DMBT1: variants seen among roughly 807,000 people sequenced by gnomAD.
The protein encoded by DMBT1 is deleted in malignant brain tumors 1.
DMBT1 carries 198 observed loss-of-function variants against 252.9 expected under a neutral mutation model. The observed-to-expected ratio is 0.78, with a 90% CI of 0.70 to 0.88. DMBT1 has a LOEUF of 0.88. Among genes scored for constraint, DMBT1 ranks in the 40% least tolerant of loss-of-function variants. The pLI is 0.00. For missense variants in DMBT1, 2,432 were observed against 2,404.7 expected (o/e 1.01, Z -0.24); for synonymous variants, 990 against 942.7 (o/e 1.05, Z -0.92).
chr10:122,637,315 A>G lies in DMBT1; in HGVS notation c.6942+3A>G, dbSNP rs1278793921. ...CAGGCTGCGGCACCTTCAAGCAGGT[A>G]AGCCTGGGGCTTCCCATTCCATTTC... is the stretch of plus-strand genomic sequence containing the variant. On this transcript the variant is annotated splice_donor_region_variant and intron_variant, in intron 54 of 55. Coordinates refer to ENST00000338354, the MANE Select transcript of DMBT1 (RefSeq NM_001377530.1). The G allele has an allele frequency of 6.3e-7, 1 of 1,597,606 alleles. No homozygotes were observed.
At chr10:122,634,449 TCTCTCTC>T (rs1566008580) in intron 52 of DMBT1, among the ~76,000 whole-genome samples, 739 of 73,518 alleles carry the variant, frequency 0.01, 2 homozygotes, top group East Asian at 0.055. Context: ...TCTCTCTCTC[TCTCTCTC>T]TCTCTCTCTC....
chr10:122,637,129 C>T lies in DMBT1; in HGVS notation c.6759C>T (p.Asn2253=). 1 of 1,613,570 alleles carries T rather than the reference C, an allele frequency of 6.2e-7. No individual in the cohort carries two copies. The highest frequency in any genetic ancestry group is 1.3e-5 in the African/African-American group (1 of 75,050). Residue 2253 remains asparagine, a splice_region_variant and synonymous_variant, in exon 54 of 56, where the codon AAC becomes AAT. Transcript: ENST00000338354. ...GCCTTATCTGTCCTTGTCTATCAGACCTGCTCTGTCTGCCAAATCACATGC... is the reference window on the plus strand; with the variant it reads ...GCCTTATCTGTCCTTGTCTATCAGATCTGCTCTGTCTGCCAAATCACATGC... ...YYSSPSNDST[N]LLCLPNHMQA...
Position 122,577,892 on chromosome 10 carries a change from AC to A in DMBT1, c.637+56del. 3 of 1,592,576 alleles carry A rather than the reference AC, an allele frequency of 1.9e-6. No homozygotes were observed. The Admixed American group carries it at 5.0e-5, about 27-fold the overall frequency. ...ATACCCCTTCTCTTTCTGCTCAGTT[AC>A]CCCTTCCCTACTCCACAGAGCCCTC... On this transcript the variant is annotated intron_variant, in intron 8 of 55. Coordinates refer to ENST00000338354, the MANE Select transcript of DMBT1 (RefSeq NM_001377530.1).
At chr10:122,575,904 T>A (rs1591221684) in intron 6 of DMBT1, among the ~76,000 whole-genome samples, 1 of 152,092 alleles carries the variant, frequency 6.6e-6, no homozygotes, top group Non-Finnish European at 1.5e-5. Context: ...AGCTCCCCCA[T>A]CTCCACAGCT....
intron 54 of DMBT1, among the ~76,000 whole-genome samples, chr10:122,638,298 C>CACTCGTTCAT (rs1843850242): frequency 1.4e-5 from 2 of 142,616 alleles, no homozygotes; most frequent in African/African-American, 2.5e-5. Context: ...CACCCATTCA[C>CACTCGTTCAT]ACCCATTCAC....
In DMBT1 at chr10:122,589,327, T is replaced by A. The variant is rs2097826104; in HGVS notation, c.2107+60T>A. The A allele has an allele frequency of 2.5e-6, 4 of 1,579,250 alleles. No homozygotes were observed. In the African/African-American group the frequency reaches 5.4e-5, roughly 21 times the overall value. ...GGTAGATTTTGCCCAGGAAGAGAGG[T>A]CTTATGTTCTAATCTCCTCACTCAG... On this transcript the variant is annotated intron_variant, in intron 17 of 55. Transcript: ENST00000338354.
intron 44 of DMBT1, among the ~76,000 whole-genome samples, chr10:122,624,951 T>G (rs28680496): frequency 1.4e-4 from 21 of 152,330 alleles, no homozygotes; most frequent in African/African-American, 4.6e-4. Flanking sequence ...CTCTTCAAGA[T>G]GGCCAGTTTC....
At chr10:122,588,815 A>C in intron 16 of DMBT1, 129 bp from the exon 17 acceptor site, 1 of 1,469,588 alleles carries the variant, frequency 6.8e-7, no homozygotes. Context: ...CTCTGGTTGC[A>C]GTCATCTTTA....
At chr10:122,587,017 G>C (rs28366861) in intron 16 of DMBT1, among the ~76,000 whole-genome samples, 7,073 of 148,030 alleles carry the variant, frequency 0.048, 439 homozygotes, top group East Asian at 0.16. Flanking sequence ...GACCAGGGAG[G>C]ACACTAAGTT....
chr10:122,620,945 A>T (rs894560391), intron 43 of DMBT1, 112 bp from the exon 44 acceptor site: 13 of 1,548,994 alleles, frequency 8.4e-6, no homozygotes, highest in African/African-American at 8.2e-5. Flanking sequence ...TTCAAAGGTG[A>T]TTACCTGCAC....
At chr10:122,580,431 G>A (rs543980721) in intron 10 of DMBT1, among the ~76,000 whole-genome samples, 3 of 152,304 alleles carry the variant, frequency 2.0e-5, no homozygotes, top group African/African-American at 4.8e-5. Context: ...TTCTCAGAAC[G>A]CTGCTGAGCA....
In DMBT1 at chr10:122,625,914, G is replaced by A; in HGVS notation, c.5636-19G>A. 2 of 1,605,716 alleles carry A rather than the reference G, an allele frequency of 1.2e-6. No individual in the cohort carries two copies. Among genetic ancestry groups the A allele is most frequent in the South Asian group, 2.2e-5 (2 of 90,888 alleles). ...AAATTATCTACTAAAATCCTAAACA[G>A]CTTCATTTTTTTTTCTAGATTGGTG... On this transcript the variant is annotated intron_variant, in intron 45 of 55. Transcript: ENST00000338354.
intron 4 of DMBT1, 89 bp from the exon 5 acceptor site, chr10:122,572,225 G>T: frequency 6.4e-7 from 1 of 1,561,702 alleles, no homozygotes; most frequent in Non-Finnish European, 8.8e-7. Flanking sequence ...TGTGTTTCCA[G>T]CCCTTGCTTC....
chr10:122,574,500 T>A (rs1215999270), intron 6 of DMBT1, among the ~76,000 whole-genome samples: 1 of 152,172 alleles, frequency 6.6e-6, no homozygotes, highest in Non-Finnish European at 1.5e-5. Context: ...TCAGGTCGTC[T>A]TCTTTCTTCT....
chr10:122,572,333 G>A lies in DMBT1; in HGVS notation c.207G>A (p.Glu69=). 6.2e-7 allele frequency: 1 copy of A among 1,613,306 alleles called. No homozygotes were observed. Among genetic ancestry groups the A allele is most frequent in the South Asian group, 1.1e-5 (1 of 91,078 alleles). ...TVAEGSPISL[E]STLESTVAEG... is the part of the protein sequence containing the mutation. ...CTGCAGGTTCTCCGATTTCCTTGGAGTCAACCCTGGAGTCAACCGTAGCAG... is the reference window on the plus strand; with the variant it reads ...CTGCAGGTTCTCCGATTTCCTTGGAATCAACCCTGGAGTCAACCGTAGCAG... Residue 69 remains glutamate (E), a synonymous_variant, in exon 5 of 56, where the codon GAG becomes GAA. Transcript: ENST00000338354.
chr10:122,562,055 C>T (rs959892182), intron 1 of DMBT1, among the ~76,000 whole-genome samples: 1 of 151,588 alleles, frequency 6.6e-6, no homozygotes, highest in Non-Finnish European at 1.5e-5. Context: ...ATCTATTGGG[C>T]AGCTCTTATC....
At chr10:122,584,959 T>C (rs1326016159) in intron 14 of DMBT1, among the ~76,000 whole-genome samples, 19 of 148,984 alleles carry the variant, frequency 1.3e-4, no homozygotes, top group African/African-American at 4.6e-4. Flanking sequence ...CTCGAGCTAG[T>C]AGAGTGTCAG....
chr10:122,634,416 TCTCTCTCTCTCTC>T (rs2098199847), intron 52 of DMBT1, among the ~76,000 whole-genome samples: 2 of 107,336 alleles, frequency 1.9e-5, no homozygotes, highest in African/African-American at 9.0e-5. Flanking sequence ...TTTCTTTCTC[TCTCTCTCTCTCTC>T]TTCTCTCTCT....
chr10:122,565,270 T>C (rs1184745106), intron 1 of DMBT1, among the ~76,000 whole-genome samples: 4 of 152,214 alleles, frequency 2.6e-5, no homozygotes, highest in Non-Finnish European at 4.4e-5. Context: ...TAAAAGGATC[T>C]AATGGATCCA....
Sources: allele counts gnomAD v4.1 joint callset (sites outside exome capture counted in the v4.1 genomes callset), GRCh38; gene constraint gnomAD v4.1.1; transcripts MANE v1.5; gene names NCBI Gene and HGNC (gene_info 2026-07-23, HGNC 2026-07-21).